The following BBS12 variants were observed in gnomAD, a reference collection of about 807,000 sequenced individuals.
BBS12 encodes chaperonin-containing T-complex member BBS12.
Under a neutral mutation model 5.6 loss-of-function variants are expected in BBS12, and 5 were observed. The observed-to-expected ratio is 0.89, with a 90% CI of 0.46 to 1.86. The LOEUF (loss-of-function observed/expected upper bound fraction) is 1.86, where lower values mean the gene tolerates loss of function less well. Ranked by LOEUF, BBS12 falls within the 40% of genes most tolerant of loss-of-function variation. The pLI, the probability that BBS12 is intolerant of heterozygous loss-of-function variation, is 0.01. For missense variants in BBS12, 748 were observed against 830.4 expected, an observed-to-expected ratio of 0.90 and a Z score of 1.22; for synonymous variants, 308 against 306.8, an observed-to-expected ratio of 1.00 and a Z score of -0.04.
At chr4:122,720,516 T>C in the BBS12 span, among the ~76,000 whole-genome samples, 1 of 152,004 alleles carries the variant, frequency 6.6e-6, no homozygotes, top group Non-Finnish European at 1.5e-5. Flanking sequence ...AGACCTGGAA[T>C]CTATTAGATG....
At position 122,744,345 on chromosome 4, in the gene BBS12, G is replaced by A; in HGVS notation, c.*320G>A. ...TTCCTCATTTTTCTAGTTCCCACAG[G>A]AGGAACACAAAGGGCCCATGATGAA... On this transcript the variant is annotated 3_prime_UTR_variant, in exon 2 of 2. Transcript: ENST00000314218. 1 of 297,726 alleles carries A rather than the reference G, an allele frequency of 3.4e-6. No homozygotes were observed. Among genetic ancestry groups the A allele is most frequent in the East Asian group, 9.6e-5 (1 of 10,462 alleles). The allele number at this position is 297,726 out of a possible 1,614,324, so 18.4% of individuals were successfully genotyped here. A position where few individuals can be genotyped will look rare whatever the true frequency, so the allele number is the denominator to read the frequency against.
chr4:122,718,845 G>T, the BBS12 span, among the ~76,000 whole-genome samples: 1 of 152,192 alleles, frequency 6.6e-6, no homozygotes, highest in Non-Finnish European at 1.5e-5. Flanking sequence ...TTGAGAGGGA[G>T]TCTCGCTCTG....
At chr4:122,711,811 C>T in the BBS12 span, among the ~76,000 whole-genome samples, 1 of 152,162 alleles carries the variant, frequency 6.6e-6, no homozygotes, top group African/African-American at 2.4e-5. Context: ...GTACTGCCTA[C>T]AAACCTGGTA....
rs773045310 is a variant in BBS12 at position 122,742,683 on chromosome 4, G to A, written c.791G>A (p.Arg264Lys). ...EHVTATHKTY[R>K]CNDLVELAVG... Reference sequence around the variant, plus strand: ...GTTACAGCTACTCACAAAACTTACAGATGTAATGATTTGGTAGAGTTGGCA... The same window carrying A: ...GTTACAGCTACTCACAAAACTTACAAATGTAATGATTTGGTAGAGTTGGCA... The change falls in exon 2 of 2, where the codon AGA becomes AAA. Residue 264 changes from arginine to lysine, a missense_variant. Coordinates refer to ENST00000314218, the MANE Select transcript of BBS12 (RefSeq NM_152618.3). The A allele has an allele frequency of 6.2e-7, 1 of 1,614,250 alleles. No homozygotes were observed. The highest frequency in any genetic ancestry group is 2.2e-5 in the East Asian group (1 of 44,892).
rs1385074216 is a variant in BBS12, at chr4:122,743,717, T to C, written c.1825T>C (p.Tyr609His). The C allele has an allele frequency of 6.2e-7, 1 of 1,614,234 alleles. No homozygotes were observed. The highest frequency in any genetic ancestry group is 1.3e-5 in the African/African-American group (1 of 75,062). Residue 609 changes from tyrosine to histidine, a missense_variant, in exon 2 of 2, where the codon TAC becomes CAC. Physicochemically the swap from Tyr to His is moderately conservative, Grantham distance 83. Transcript: ENST00000314218. ...LSTLLYNTAN[Y>H]SSEFEASTYI... is the part of the protein sequence containing the mutation. ...AACTCTCCTATATAACACTGCCAAT[T>C]ACTCATCAGAATTTGAAGCCAGCAC... is the stretch of plus-strand genomic sequence containing the variant.
chr4:122,736,359 G>C (rs1800782937), intron 1 of BBS12, among the ~76,000 whole-genome samples: 1 of 152,058 alleles, frequency 6.6e-6, no homozygotes, highest in Admixed American at 6.5e-5. Context: ...GAATAGACTG[G>C]AGATGAGCAA....
the BBS12 span, among the ~76,000 whole-genome samples, chr4:122,717,117 A>T: frequency 6.6e-5 from 10 of 152,302 alleles, no homozygotes; most frequent in East Asian, 1.9e-3. Context: ...TGAGGATGAG[A>T]TTATAACTCG....
At chr4:122,716,591 A>C in the BBS12 span, among the ~76,000 whole-genome samples, 1 of 140,806 alleles carries the variant, frequency 7.1e-6, no homozygotes, top group South Asian at 2.3e-4. Flanking sequence ...ATATACACAT[A>C]TGTATGTATA....
chr4:122,710,849 A>G, the BBS12 span, among the ~76,000 whole-genome samples: 1 of 152,098 alleles, frequency 6.6e-6, no homozygotes, highest in Non-Finnish European at 1.5e-5. Flanking sequence ...CAGTGAATCA[A>G]TATCTCGTAT....
intron 1 of BBS12, among the ~76,000 whole-genome samples, chr4:122,735,542 G>A (rs546057339): frequency 8.5e-5 from 13 of 152,282 alleles, no homozygotes; most frequent in Admixed American, 5.9e-4. Flanking sequence ...CTAAGGCGGT[G>A]CCAAATAGGA....
chr4:122,720,674 C>G, the BBS12 span, among the ~76,000 whole-genome samples: 1 of 151,948 alleles, frequency 6.6e-6, no homozygotes, highest in Non-Finnish European at 1.5e-5. Context: ...CAATTGGAAT[C>G]TTAGAAATAG....
the BBS12 span, among the ~76,000 whole-genome samples, chr4:122,700,635 A>G: frequency 1.3e-5 from 2 of 152,196 alleles, no homozygotes; most frequent in African/African-American, 4.8e-5. Flanking sequence ...GGCTCAGACA[A>G]GTTGGTAACC....
At chr4:122,729,227 T>C (rs1028664925), upstream of BBS12, 1 of 152,302 alleles carries the variant, frequency 6.6e-6, no homozygotes, top group African/African-American at 2.4e-5. Flanking sequence ...GGACTACACA[T>C]TGACTCTGAA....
intron 1 of BBS12, among the ~76,000 whole-genome samples, chr4:122,741,540 T>G (rs971151876): frequency 6.6e-6 from 1 of 152,218 alleles, no homozygotes; most frequent in African/African-American, 2.4e-5. Flanking sequence ...TTTCCCTGAA[T>G]ACACTATGTT....
chr4:122,703,357 T>C, the BBS12 span, among the ~76,000 whole-genome samples: 2 of 152,190 alleles, frequency 1.3e-5, no homozygotes, highest in African/African-American at 4.8e-5. Flanking sequence ...GCCAGAGGTA[T>C]ATCGCCAGCA....
At position 122,742,815 on chromosome 4, in the gene BBS12, T is replaced by C. The variant is rs1800904199; in HGVS notation, c.923T>C (p.Phe308Ser). 1 of 1,614,192 alleles carries C rather than the reference T, an allele frequency of 6.2e-7. No homozygotes were observed. The highest frequency in any genetic ancestry group is 8.5e-7 in the Non-Finnish European group (1 of 1,180,014). Reference sequence around the variant, plus strand: ...CAACAAGGCAACTGTACAAAACCATTTATGTTTGACATTTCAAGAATTTTC... The same window carrying C: ...CAACAAGGCAACTGTACAAAACCATCTATGTTTGACATTTCAAGAATTTTC... ...CVQQGNCTKPFMFDISRIFTC... is the reference protein window; with the variant it reads ...CVQQGNCTKPSMFDISRIFTC... Residue 308 changes from phenylalanine (F) to serine (S), a missense_variant, in exon 2 of 2, where the codon TTT becomes TCT. Coordinates refer to ENST00000314218, the MANE Select transcript of BBS12 (RefSeq NM_152618.3).
At chr4:122,721,569 T>C in the BBS12 span, among the ~76,000 whole-genome samples, 1 of 152,240 alleles carries the variant, frequency 6.6e-6, no homozygotes, top group South Asian at 2.1e-4. Flanking sequence ...AGATTGTCTA[T>C]TATGCCCTAC....
intron 1 of BBS12, among the ~76,000 whole-genome samples, chr4:122,738,235 G>GT (rs1800815056): frequency 6.7e-6 from 1 of 150,114 alleles, no homozygotes; most frequent in East Asian, 1.9e-4. Context: ...CTTTTTTTTT[G>GT]AGACAGAGTC....
rs1441180034 is a variant in BBS12 at position 122,742,295 on chromosome 4, C to T, written c.403C>T (p.His135Tyr). 2.5e-6 allele frequency: 4 copies of T among 1,613,784 alleles called. No homozygotes were observed. The highest frequency in any genetic ancestry group is 1.3e-5 in the African/African-American group (1 of 74,880). ...GGTAGTTTCTCTTCATGTACCTGTT[C>T]ACAATATATTTGACTGTATGGACAG... The part of the protein sequence containing the change: ...EEVVSLHVPV[H>Y]NIFDCMDSTK... Residue 135 changes from histidine to tyrosine, a missense_variant, in exon 2 of 2, where the codon CAC becomes TAC. His to Tyr is a moderately conservative substitution (Grantham distance 83, BLOSUM62 2). Transcript: ENST00000314218.
Sources: gnomAD v4.1 joint callset for allele counts (sites outside exome capture counted in the v4.1 genomes callset) on GRCh38, gnomAD v4.1.1 for gene constraint, MANE v1.5 for transcripts, NCBI Gene and HGNC (gene_info 2026-07-23, HGNC 2026-07-21) for gene names.